DNPEP: variants seen among roughly 807,000 people sequenced by gnomAD.
DNPEP encodes the protein aspartyl aminopeptidase.
Under a neutral mutation model 59.1 loss-of-function variants are expected in DNPEP, and 46 were observed. The ratio of observed to expected loss-of-function variants is 0.78; its 90% CI spans 0.61 to 0.99. The LOEUF is 0.99. DNPEP is among the 50% of genes least tolerant of loss of function. The pLI is 0.00. For synonymous variants in DNPEP, 229 were observed against 242.2 expected (o/e 0.95, Z 0.50); for missense variants, 617 against 649.9 (o/e 0.95, Z 0.55).
Position 219,381,588 on chromosome 2 carries a change from T to C in DNPEP, c.1098-4A>G, listed in dbSNP as rs1040529499. The C allele has an allele frequency of 6.2e-7, 1 of 1,614,004 alleles. No individual in the cohort carries two copies. On this transcript the variant is annotated splice_region_variant and splice_polypyrimidine_tract_variant and intron_variant, in intron 11 of 14. Coordinates refer to ENST00000273075, the MANE Select transcript of DNPEP (RefSeq NM_012100.4). Reference sequence around the variant, plus strand: ...GTGGTTCTCCTCATGCTTGTCCCTGTAAGAGACAGATAAGGGCCAGACATA... The same window carrying C: ...GTGGTTCTCCTCATGCTTGTCCCTGCAAGAGACAGATAAGGGCCAGACATA...
rs375215381 is a variant in DNPEP at position 219,383,138 on chromosome 2, T to C, written c.929A>G (p.Asn310Ser). 49 of 1,614,018 alleles carry C rather than the reference T, an allele frequency of 3.0e-5. No homozygotes were observed. Among genetic ancestry groups the C allele is most frequent in the Non-Finnish European group, 3.8e-5 (45 of 1,179,980 alleles). Residue 310 changes from asparagine (N) to serine (S), a missense_variant, in exon 10 of 15, where the codon AAC becomes AGC. Asn to Ser is a conservative substitution (Grantham distance 46). Transcript: ENST00000273075. Reference sequence around the variant, plus strand: ...CCAGAACCCTCCACGTACCTCTTCGTTGTCATAGAGTGTGACCATGCGCAC... The same window carrying C: ...CCAGAACCCTCCACGTACCTCTTCGCTGTCATAGAGTGTGACCATGCGCAC... Reference protein sequence around the residue: ...PHVRMVTLYDNEEVGSESAQG... With the variant: ...PHVRMVTLYDSEEVGSESAQG...
chr2:219,399,625 G>C, intron 1 of DNPEP: 1 of 638,852 alleles, frequency 1.6e-6, no homozygotes, highest in Non-Finnish European at 2.9e-6. Flanking sequence ...AGAGAATAGG[G>C]CACCAGACAG....
chr2:219,397,858 G>C (rs1954124619), intron 1 of DNPEP, among the ~76,000 whole-genome samples: 1 of 151,786 alleles, frequency 6.6e-6, no homozygotes. Context: ...CCAAAGTGCT[G>C]GGATTACAGG....
chr2:219,390,986 A>C (rs951649122), upstream of DNPEP, among the ~76,000 whole-genome samples: 10 of 152,318 alleles, frequency 6.6e-5, no homozygotes, highest in South Asian at 4.1e-4. Context: ...CTGGGAAGCT[A>C]ATCTGCCATG....
chr2:219,375,053 T>C (rs1953316958), intron 13 of DNPEP, 31 bp from the exon 14 acceptor site: 1 of 1,610,656 alleles, frequency 6.2e-7, no homozygotes, highest in South Asian at 1.1e-5. Flanking sequence ...ATGAGCAACA[T>C]GCAGTGTGTG....
intron 13 of DNPEP, among the ~76,000 whole-genome samples, chr2:219,379,066 C>T (rs997231795): frequency 5.3e-5 from 8 of 152,112 alleles, no homozygotes; most frequent in African/African-American, 1.7e-4. Context: ...TACAGGCGCA[C>T]ACCACCATGC....
chr2:219,377,505 G>A (rs901137026), intron 13 of DNPEP, among the ~76,000 whole-genome samples: 7 of 152,034 alleles, frequency 4.6e-5, no homozygotes, highest in African/African-American at 1.2e-4. Context: ...CAAATATAAC[G>A]CATTGTCCTG....
At chr2:219,396,065 T>C (rs530741007) in intron 1 of DNPEP, among the ~76,000 whole-genome samples, 1 of 152,146 alleles carries the variant, frequency 6.6e-6, no homozygotes, top group South Asian at 2.1e-4. Context: ...AGGTGCCTTA[T>C]GCTGAGTGAA....
chr2:219,383,023 C>T, intron 10 of DNPEP, 108 bp downstream of exon 10: 1 of 929,452 alleles, frequency 1.1e-6, no homozygotes. Flanking sequence ...AGCATCTCCC[C>T]TGTCTTGGGG....
upstream of DNPEP, chr2:219,387,997 G>A (rs1349393555): frequency 4.2e-6 from 5 of 1,177,908 alleles, no homozygotes; most frequent in African/African-American, 1.1e-4. Flanking sequence ...ACCTCGGTCA[G>A]CCCCGCCCCT....
Position 219,385,635 on chromosome 2 carries a change from G to A in DNPEP, c.662C>T (p.Ala221Val), listed in dbSNP as rs772039443. The change falls in exon 7 of 15, where the codon GCT becomes GTT. Residue 221 changes from alanine to valine, a missense_variant. Ala to Val is a moderately conservative substitution (Grantham distance 64). Transcript: ENST00000273075. ...KGTPEPGPLNAVDERHHSVLM... is the reference protein window; with the variant it reads ...KGTPEPGPLNVVDERHHSVLM... ...ATGATCAGGAGACTCTCTTACCACAGCATTGAGAGGCCCTGGCTCAGGAGT... is the reference window on the plus strand; with the variant it reads ...ATGATCAGGAGACTCTCTTACCACAACATTGAGAGGCCCTGGCTCAGGAGT... 3 of 1,612,938 alleles carry A rather than the reference G, an allele frequency of 1.9e-6. No individual in the cohort carries two copies. The highest frequency in any genetic ancestry group is 1.1e-5 in the South Asian group (1 of 90,720).
At chr2:219,381,250 G>A (rs2125132935) in intron 13 of DNPEP, 85 bp downstream of exon 13, 1 of 1,213,366 alleles carries the variant, frequency 8.2e-7, no homozygotes. Context: ...CCATCTACCA[G>A]GTTCCCTGTT....
intron 13 of DNPEP, among the ~76,000 whole-genome samples, chr2:219,378,605 G>A (rs1307838439): frequency 1.3e-5 from 2 of 152,148 alleles, no homozygotes; most frequent in African/African-American, 2.4e-5. Flanking sequence ...GATATAGAGA[G>A]GTAGACAGAT....
In DNPEP at chr2:219,384,363, C is replaced by T. The variant is rs1254774654; in HGVS notation, c.852+3G>A. 6.2e-7 allele frequency: 1 copy of T among 1,608,124 alleles called. No individual in the cohort carries two copies. On this transcript the variant is annotated splice_donor_region_variant and intron_variant, in intron 9 of 14. Coordinates refer to ENST00000273075, the MANE Select transcript of DNPEP (RefSeq NM_012100.4). ...TGCTGCCTGGGGCGCCCCGGCTCCT[C>T]ACCTGCAGGGCACAGAAGCAGCTGT... is the stretch of plus-strand genomic sequence containing the variant.
At chr2:219,385,909 T>TAATC (rs1953794580) in intron 6 of DNPEP, 59 bp downstream of exon 6, 2 of 1,596,118 alleles carry the variant, frequency 1.3e-6, no homozygotes, top group Admixed American at 1.7e-5. Flanking sequence ...CATTAGGTAA[T>TAATC]AATCACCTGG....
chr2:219,385,478 C>T lies in DNPEP; in HGVS notation c.720G>A (p.Leu240=), dbSNP rs1953771826. ...LMSLLCAHLG[L]SPKDIVEMEL... ...CCATCTCCACTATGTCCTTGGGGCTCAGCCCCAGATGGGCACAGAGCAGGG... is the reference window on the plus strand; with the variant it reads ...CCATCTCCACTATGTCCTTGGGGCTTAGCCCCAGATGGGCACAGAGCAGGG... Residue 240 remains leucine, a synonymous_variant, in exon 8 of 15, where the codon CTG becomes CTA. Coordinates refer to ENST00000273075, the MANE Select transcript of DNPEP (RefSeq NM_012100.4). 6.2e-7 allele frequency: 1 copy of T among 1,608,490 alleles called. No homozygotes were observed. Among genetic ancestry groups the T allele is most frequent in the Non-Finnish European group, 8.5e-7 (1 of 1,175,328 alleles).
rs969625834 is a variant in DNPEP, at chr2:219,381,698, A to C, written c.1098-114T>G. ...ATCACCACTCTTTCCCGCCCAGCCC[A>C]GTGGGACTTCAGAGTCATTCCACAC... is the stretch of plus-strand genomic sequence containing the variant. On this transcript the variant is annotated intron_variant, in intron 11 of 14. Coordinates refer to ENST00000273075, the MANE Select transcript of DNPEP (RefSeq NM_012100.4). 24 of 1,239,516 alleles carry C rather than the reference A, an allele frequency of 1.9e-5. No individual in the cohort carries two copies. The Admixed American group carries it at 3.9e-4, about 20-fold the overall frequency. The allele number at this position is 1,239,516 out of a possible 1,614,324, so 76.8% of individuals were successfully genotyped here.
upstream of DNPEP, chr2:219,388,956 G>T (rs1203530540): frequency 3.5e-6 from 3 of 847,202 alleles, no homozygotes; most frequent in African/African-American, 3.7e-5. Flanking sequence ...CGGCACAGGT[G>T]GGGTTTGAAC....
At position 219,385,354 on chromosome 2, in the gene DNPEP, G is replaced by A. The variant is rs1490031540; in HGVS notation, c.774+70C>T. ...CTTGGTGGAGGTGATGGGTGCTTCA[G>A]CAGGACGGGCTAGGGGTGGCCAGGA... is the stretch of plus-strand genomic sequence containing the variant. On this transcript the variant is annotated intron_variant, in intron 8 of 14. Coordinates refer to ENST00000273075, the MANE Select transcript of DNPEP (RefSeq NM_012100.4). 7.7e-6 allele frequency: 8 copies of A among 1,036,286 alleles called. No individual in the cohort carries two copies. In the South Asian group the frequency reaches 1.1e-4, roughly 14 times the overall value. The allele number at this position is 1,036,286 out of a possible 1,614,324, so 64.2% of individuals were successfully genotyped here.
Sources: gnomAD v4.1 joint callset for allele counts (sites outside exome capture counted in the v4.1 genomes callset) on GRCh38, gnomAD v4.1.1 for gene constraint, MANE v1.5 for transcripts, NCBI Gene and HGNC (gene_info 2026-07-23, HGNC 2026-07-21) for gene names.